Variants in RAD51B observed in about 807,000 individuals in gnomAD.
The protein encoded by RAD51B is DNA repair protein RAD51 homolog 2.
In RAD51B, 38 loss-of-function variants were observed where a neutral mutation model predicts 42.2. The observed-to-expected ratio is 0.90, with a 90% confidence interval of 0.70 to 1.18. The LOEUF (loss-of-function observed/expected upper bound fraction) is 1.18. Ranked by LOEUF, RAD51B falls within the 50% of genes most tolerant of loss-of-function variation. The pLI is 0.00. For synonymous variants in RAD51B, 154 were observed against 145.2 expected, an observed-to-expected ratio of 1.06 and a Z score of -0.43; for missense variants, 373 against 400.7, an observed-to-expected ratio of 0.93 and a Z score of 0.59.
chr14:68,299,194 G>A (rs1461072729), intron 8 of RAD51B, among the ~76,000 whole-genome samples: 2 of 151,906 alleles, frequency 1.3e-5, no homozygotes, highest in African/African-American at 4.8e-5. Context: ...CACCTGGGGG[G>A]CACATTAATA....
At chr14:68,291,814 A>G in intron 7 of RAD51B, 70 bp from the exon 8 acceptor site, 1 of 1,199,536 alleles carries the variant, frequency 8.3e-7, no homozygotes, top group Non-Finnish European at 1.2e-6. Flanking sequence ...TGATAGCTCT[A>G]ATAATTAATT....
chr14:68,355,256 T>C (rs747812359), intron 8 of RAD51B, among the ~76,000 whole-genome samples: 3 of 152,248 alleles, frequency 2.0e-5, no homozygotes, highest in Non-Finnish European at 4.4e-5. Context: ...AAAACATTAA[T>C]ACAAATTTTA....
chr14:68,589,942 C>G (rs1401203446), intron 10 of RAD51B, among the ~76,000 whole-genome samples: 1 of 152,188 alleles, frequency 6.6e-6, no homozygotes, highest in Non-Finnish European at 1.5e-5. Flanking sequence ...CACGAACACA[C>G]ACATTCCATA....
chr14:68,352,878 T>C (rs1302703304), intron 8 of RAD51B, among the ~76,000 whole-genome samples: 2 of 152,196 alleles, frequency 1.3e-5, no homozygotes, highest in African/African-American at 4.8e-5. Flanking sequence ...CCTTTGCTTT[T>C]ACTTGCAGCA....
chr14:67,822,714 C>T (rs2040673849), intron 1 of RAD51B, among the ~76,000 whole-genome samples: 1 of 151,648 alleles, frequency 6.6e-6, no homozygotes, highest in African/African-American at 2.4e-5. Context: ...CAGAGCCAGA[C>T]CTGTCTCGCT....
intron 8 of RAD51B, among the ~76,000 whole-genome samples, chr14:68,331,446 T>A (rs200841142): frequency 7.0e-6 from 1 of 143,256 alleles, no homozygotes; most frequent in Admixed American, 7.0e-5. Context: ...ACTTAAAGTT[T>A]AAAAAAAAAA....
chr14:68,096,673 C>G (rs1031528337), intron 7 of RAD51B, among the ~76,000 whole-genome samples: 2 of 152,136 alleles, frequency 1.3e-5, no homozygotes, highest in African/African-American at 4.8e-5. Context: ...GGTCAGGAAA[C>G]AACGATTCAT....
At chr14:68,134,779 A>AT (rs34758057) in intron 7 of RAD51B, among the ~76,000 whole-genome samples, 1 of 150,984 alleles carries the variant, frequency 6.6e-6, no homozygotes, top group Non-Finnish European at 1.5e-5. Flanking sequence ...GGGTTATTTG[A>AT]TTTTTTTAAT....
At chr14:68,372,172 C>T (rs2083278648) in intron 8 of RAD51B, among the ~76,000 whole-genome samples, 1 of 152,120 alleles carries the variant, frequency 6.6e-6, no homozygotes, top group Non-Finnish European at 1.5e-5. Context: ...AGAATTGACC[C>T]TTGGATTTGG....
rs745990632 is a variant in RAD51B at position 68,477,636 on chromosome 14, T to G, written c.1037-12T>G. 1.9e-6 allele frequency: 3 copies of G among 1,607,908 alleles called. No homozygotes were observed. The highest frequency in any genetic ancestry group is 2.5e-6 in the Non-Finnish European group (3 of 1,178,362). On this transcript the variant is annotated splice_polypyrimidine_tract_variant and intron_variant, in intron 10 of 10. Transcript: ENST00000471583. ...TTTTTCAAACTTTCTCTTTTTTTTT[T>G]TTTTCCTTTAGGCCAAGAGAAGCCA...
chr14:68,455,740 T>G (rs538816076), intron 9 of RAD51B, among the ~76,000 whole-genome samples: 4 of 151,500 alleles, frequency 2.6e-5, no homozygotes, highest in Admixed American at 2.6e-4. Context: ...AAAAAAAATT[T>G]TTTTTTAAAA....
chr14:68,313,516 C>T (rs2082000342), intron 8 of RAD51B, among the ~76,000 whole-genome samples: 1 of 152,172 alleles, frequency 6.6e-6, no homozygotes, highest in African/African-American at 2.4e-5. Context: ...CCCTTTAGTT[C>T]CGCTGCTGTC....
chr14:68,103,618 T>C (rs1392361531), intron 7 of RAD51B, among the ~76,000 whole-genome samples: 1 of 152,202 alleles, frequency 6.6e-6, no homozygotes. Flanking sequence ...TTTCCTAGTG[T>C]GCAAAGTTAA....
intron 7 of RAD51B, among the ~76,000 whole-genome samples, chr14:68,017,330 G>A (rs1006135124): frequency 1.3e-4 from 20 of 152,038 alleles, no homozygotes; most frequent in African/African-American, 4.8e-4. Context: ...TGACTAGCTG[G>A]AACTACAGGC....
chr14:68,280,615 TC>T (rs1208828196), intron 7 of RAD51B, among the ~76,000 whole-genome samples: 3 of 152,220 alleles, frequency 2.0e-5, no homozygotes, highest in African/African-American at 4.8e-5. Flanking sequence ...AACGTGAGTT[TC>T]CTCTCTTCCT....
chr14:68,410,461 T>A (rs1370214979), intron 8 of RAD51B, among the ~76,000 whole-genome samples: 2 of 152,134 alleles, frequency 1.3e-5, no homozygotes, highest in Non-Finnish European at 2.9e-5. Context: ...AAAGATCGCA[T>A]CTGGAGGCAA....
chr14:68,046,020 A>C (rs940595398), intron 7 of RAD51B, among the ~76,000 whole-genome samples: 4 of 152,168 alleles, frequency 2.6e-5, no homozygotes, highest in Admixed American at 2.6e-4. Flanking sequence ...CCCTGGCTCC[A>C]CCTAGGGAAA....
At chr14:68,602,440 A>G (rs1891256062) in intron 10 of RAD51B, among the ~76,000 whole-genome samples, 1 of 152,084 alleles carries the variant, frequency 6.6e-6, no homozygotes, top group South Asian at 2.1e-4. Flanking sequence ...CCAGAGAAAC[A>G]GAACCAACAG....
intron 5 of RAD51B, among the ~76,000 whole-genome samples, chr14:67,872,502 G>A (rs2042575572): frequency 6.8e-6 from 1 of 146,184 alleles, no homozygotes; most frequent in Non-Finnish European, 1.5e-5. Context: ...TCGTGAAAAT[G>A]GCCATACTGC....
Sources: allele counts gnomAD v4.1 joint callset (sites outside exome capture counted in the v4.1 genomes callset), GRCh38; gene constraint gnomAD v4.1.1; transcripts MANE v1.5; gene names NCBI Gene and HGNC (gene_info 2026-07-23, HGNC 2026-07-21).